The following KCNN3 variants were observed in gnomAD, a reference collection of about 807,000 sequenced individuals.
KCNN3 encodes potassium calcium-activated channel subfamily N member 3, also known as small conductance calcium-activated potassium channel protein 3.
Under a neutral mutation model 62.9 loss-of-function variants are expected in KCNN3, and 16 were observed. The ratio of observed to expected loss-of-function variants is 0.25; its 90% confidence interval spans 0.17 to 0.39. KCNN3 has a LOEUF of 0.39. Ranked by LOEUF, KCNN3 falls within the 10% of genes least tolerant of loss-of-function variation. The pLI, the probability that KCNN3 is intolerant of heterozygous loss-of-function variation, is 1.00. For synonymous variants in KCNN3, 370 were observed against 389.2 expected (o/e 0.95, Z 0.58); for missense variants, 599 against 949.4 (o/e 0.63, Z 4.85).
chr1:154,726,164 G>A lies in KCNN3; in HGVS notation c.1591-138C>T, dbSNP rs921594798. The A allele has an allele frequency of 1.9e-5, 12 of 644,714 alleles. 1 individual carries two copies. Among genetic ancestry groups the A allele is most frequent in the African/African-American group, 3.6e-5 (2 of 55,612 alleles). 39.9% of individuals were successfully genotyped at this position (644,714 alleles called of 1,614,324 possible). A position where few individuals can be genotyped will look rare whatever the true frequency, so the allele number is the denominator to read the frequency against. On this transcript the variant is annotated intron_variant, in intron 4 of 7. Coordinates refer to ENST00000271915, the MANE Select transcript of KCNN3 (RefSeq NM_002249.6). The stretch of plus-strand genomic sequence containing the variant: ...GAACTTGAGCTCTCTGGCTGGTCAC[G>A]ACCAAGCCACAAAAATCTGTTGAAA...
intron 2 of KCNN3, among the ~76,000 whole-genome samples, chr1:154,794,024 C>T (rs1005927535): frequency 2.6e-5 from 4 of 152,208 alleles, no homozygotes; most frequent in Non-Finnish European, 4.4e-5. Context: ...TCCTGTTGTG[C>T]GTAGAATGTA....
intron 3 of KCNN3, among the ~76,000 whole-genome samples, chr1:154,749,600 AGGAGCCTG>A (rs1294558321): frequency 6.6e-6 from 1 of 152,192 alleles, no homozygotes; most frequent in Non-Finnish European, 1.5e-5. Flanking sequence ...GGTGCCAAGG[AGGAGCCTG>A]GGACGTCAGG....
In KCNN3 at chr1:154,787,802, A is replaced by G. The variant is rs543700354; in HGVS notation, c.1030-15409T>C. 9.2e-5 allele frequency among the ~76,000 whole-genome samples: 14 copies of G among 152,294 alleles called. No individual in the cohort carries two copies. The South Asian group carries it at 2.9e-3, about 32-fold the overall frequency. On this transcript the variant is annotated intron_variant, in intron 2 of 7. Transcript: ENST00000271915. ...CCCGTTTGGATATCCAGACGCCCAG[A>G]GTCCCCTGTCCAAAAAGGCCCCAGG... is the stretch of plus-strand genomic sequence containing the variant.
chr1:154,848,322 C>G (rs1416238831), intron 1 of KCNN3, among the ~76,000 whole-genome samples: 2 of 152,160 alleles, frequency 1.3e-5, no homozygotes, highest in Non-Finnish European at 2.9e-5. Context: ...AGCTGCCTGC[C>G]TCCCCAGACC....
chr1:154,819,143 C>T (rs1338288607), intron 2 of KCNN3, among the ~76,000 whole-genome samples: 4 of 152,230 alleles, frequency 2.6e-5, no homozygotes, highest in African/African-American at 9.6e-5. Flanking sequence ...TTGCTAAGCA[C>T]TCCCCTCTGC....
At chr1:154,754,577 AC>A (rs1647543391) in intron 3 of KCNN3, among the ~76,000 whole-genome samples, 1 of 152,152 alleles carries the variant, frequency 6.6e-6, no homozygotes, top group Non-Finnish European at 1.5e-5. Context: ...GAAAGAAACA[AC>A]CTTATTTTGT....
chr1:154,760,241 G>A (rs1647936978), intron 3 of KCNN3, among the ~76,000 whole-genome samples: 1 of 151,736 alleles, frequency 6.6e-6, no homozygotes, highest in Non-Finnish European at 1.5e-5. Context: ...TAATAGCTAA[G>A]TCATGTATAA....
intron 7 of KCNN3, 128 bp downstream of exon 7, chr1:154,713,336 G>A: frequency 1.4e-6 from 1 of 728,662 alleles, no homozygotes; most frequent in South Asian, 1.5e-5. Context: ...TTTGAACCAA[G>A]CAGAAATTTT....
rs561529301 is a variant in KCNN3, at chr1:154,821,763, A to G, written c.1029+326T>C. On this transcript the variant is annotated intron_variant, in intron 2 of 7. Coordinates refer to ENST00000271915, the MANE Select transcript of KCNN3 (RefSeq NM_002249.6). ...GACAAGAGACACAAAAGGCAGAGCA[A>G]TGCATCAGGGGCTCTCCCGGTCCGA... Among the ~76,000 whole-genome samples, 6 of 152,344 alleles carry G rather than the reference A, an allele frequency of 3.9e-5. No individual in the cohort carries two copies. The East Asian group carries it at 9.6e-4, about 24-fold the overall frequency.
chr1:154,820,419 T>C (rs962248096), intron 2 of KCNN3, among the ~76,000 whole-genome samples: 6 of 152,218 alleles, frequency 3.9e-5, no homozygotes, highest in Non-Finnish European at 5.9e-5. Context: ...AACTGAGTTT[T>C]ATGGTTCTGC....
intron 5 of KCNN3, among the ~76,000 whole-genome samples, chr1:154,720,528 T>C (rs77510509): frequency 0.081 from 12,391 of 152,278 alleles, 641 homozygotes; most frequent in Middle Eastern, 0.23. Flanking sequence ...TTGTTTTTCC[T>C]ACGAAATACC....
rs933209557 is a variant in KCNN3, at chr1:154,838,578, G to T, written c.934-16394C>A. 3.9e-5 allele frequency among the ~76,000 whole-genome samples: 6 copies of T among 152,132 alleles called. 1 individual carries two copies. On this transcript the variant is annotated intron_variant, in intron 1 of 7. Transcript: ENST00000271915. Reference sequence around the variant, plus strand: ...TTTCCCTCAACCTTTCCATGTGCTTGCTGGGCCGGGAACAACCTCCCTGCC... The same window carrying T: ...TTTCCCTCAACCTTTCCATGTGCTTTCTGGGCCGGGAACAACCTCCCTGCC...
chr1:154,860,562 G>A (rs1161895396), intron 1 of KCNN3, among the ~76,000 whole-genome samples: 1 of 152,154 alleles, frequency 6.6e-6, no homozygotes, highest in African/African-American at 2.4e-5. Context: ...CTGCCCTCCG[G>A]AGAACAGCCC....
intron 2 of KCNN3, among the ~76,000 whole-genome samples, chr1:154,813,099 C>T (rs2101885756): frequency 6.6e-6 from 1 of 152,196 alleles, no homozygotes; most frequent in Non-Finnish European, 1.5e-5. Flanking sequence ...TGTCCAAGCT[C>T]ACAAGTGATC....
intron 2 of KCNN3, among the ~76,000 whole-genome samples, chr1:154,783,505 T>TGG: frequency 6.6e-6 from 1 of 152,200 alleles, no homozygotes; most frequent in South Asian, 2.1e-4. Flanking sequence ...GACCTGGTGA[T>TGG]GGGGTCCCTA....
chr1:154,769,892 C>T (rs999922974), intron 3 of KCNN3, among the ~76,000 whole-genome samples: 2 of 152,234 alleles, frequency 1.3e-5, no homozygotes, highest in Non-Finnish European at 2.9e-5. Flanking sequence ...TTAACTTTCA[C>T]CATCATTGGA....
intron 1 of KCNN3, among the ~76,000 whole-genome samples, chr1:154,826,086 CA>C (rs1557995426): frequency 8.6e-6 from 1 of 116,402 alleles, no homozygotes; most frequent in Non-Finnish European, 1.7e-5. Context: ...AAAACAAAAA[CA>C]AAAAAAACCA....
chr1:154,804,646 C>T (rs1223664635), intron 2 of KCNN3, among the ~76,000 whole-genome samples: 2 of 152,180 alleles, frequency 1.3e-5, no homozygotes, highest in African/African-American at 4.8e-5. Flanking sequence ...CTGAATCCCA[C>T]AGATCTCGGT....
intron 1 of KCNN3, among the ~76,000 whole-genome samples, chr1:154,848,559 C>T (rs1254946735): frequency 6.6e-6 from 1 of 152,160 alleles, no homozygotes; most frequent in Non-Finnish European, 1.5e-5. Context: ...CCCCACTACT[C>T]CACCAGCTTC....
Sources: gnomAD v4.1 joint callset for allele counts (sites outside exome capture counted in the v4.1 genomes callset) on GRCh38, gnomAD v4.1.1 for gene constraint, MANE v1.5 for transcripts, NCBI Gene and HGNC (gene_info 2026-07-23, HGNC 2026-07-21) for gene names.